Variants in LRP1B observed in about 807,000 individuals in gnomAD.
LRP1B encodes LDL receptor related protein 1B.
A neutral mutation model predicts 556.6 loss-of-function variants in LRP1B; 217 were observed. The ratio of observed to expected loss-of-function variants is 0.39; its 90% CI spans 0.35 to 0.44. The LOEUF (loss-of-function observed/expected upper bound fraction) is 0.44, where lower values mean the gene tolerates loss of function less well. Ranked by LOEUF, LRP1B falls within the 20% of genes least tolerant of loss-of-function variation. LRP1B has a pLI of 1.00. For missense variants in LRP1B, 5,053 were observed against 5,620.8 expected (o/e 0.90, Z 3.23); for synonymous variants, 2,047 against 1,865.8 (o/e 1.10, Z -2.50).
chr2:141,778,422 TCTC>T (rs1248578776), intron 2 of LRP1B, among the ~76,000 whole-genome samples: 3 of 152,184 alleles, frequency 2.0e-5, no homozygotes, highest in African/African-American at 7.2e-5. Flanking sequence ...TATGGTAGAC[TCTC>T]CTCCTTCTAG....
intron 41 of LRP1B, among the ~76,000 whole-genome samples, chr2:140,664,664 A>G (rs1298702922): frequency 6.6e-6 from 1 of 151,992 alleles, no homozygotes; most frequent in African/African-American, 2.4e-5. Context: ...CTTTTGAGAA[A>G]TAGACTAATG....
At chr2:141,190,975 A>G (rs186729915) in intron 6 of LRP1B, among the ~76,000 whole-genome samples, 2 of 152,114 alleles carry the variant, frequency 1.3e-5, no homozygotes. Context: ...AGGTCATAAG[A>G]TCCTCAAGTG....
At chr2:141,127,724 A>G (rs1031599283) in intron 7 of LRP1B, among the ~76,000 whole-genome samples, 2 of 151,986 alleles carry the variant, frequency 1.3e-5, no homozygotes, top group Admixed American at 1.3e-4. Flanking sequence ...CTCTCTCTTT[A>G]TGGTTCAATT....
chr2:140,569,978 T>A (rs956993398), intron 43 of LRP1B, among the ~76,000 whole-genome samples: 7 of 151,790 alleles, frequency 4.6e-5, no homozygotes, highest in Admixed American at 1.3e-4. Flanking sequence ...AAAAACTTCT[T>A]CAAACAAACG....
intron 3 of LRP1B, among the ~76,000 whole-genome samples, chr2:141,265,948 G>C (rs1000478551): frequency 6.6e-6 from 1 of 152,126 alleles, no homozygotes; most frequent in Non-Finnish European, 1.5e-5. Flanking sequence ...TCCTTTAGTC[G>C]GGTTAGAGCC....
chr2:141,962,502 A>C (rs969947707), intron 1 of LRP1B, among the ~76,000 whole-genome samples: 1 of 151,818 alleles, frequency 6.6e-6, no homozygotes, highest in Non-Finnish European at 1.5e-5. Flanking sequence ...TAGACTGTGC[A>C]AATATTCAAC....
intron 47 of LRP1B, among the ~76,000 whole-genome samples, chr2:140,531,258 G>A (rs189158358): frequency 2.6e-5 from 4 of 152,190 alleles, no homozygotes; most frequent in Non-Finnish European, 5.9e-5. Flanking sequence ...CTGGCTTAAT[G>A]CCTATATTAT....
Position 141,281,112 on chromosome 2 carries a change from T to C in LRP1B, c.344-26471A>G, listed in dbSNP as rs369611573. Among the ~76,000 whole-genome samples the C allele has an allele frequency of 1.2e-4, 19 of 152,100 alleles. No homozygotes were observed. In the South Asian group the frequency reaches 3.1e-3, roughly 25 times the overall value. ...TTTAGAAATACATTTATTTTATAGA[T>C]TGAGCTTTTTACTTTAATTTACCCT... is the stretch of plus-strand genomic sequence containing the variant. On this transcript the variant is annotated intron_variant, in intron 3 of 90. Transcript: ENST00000389484.
chr2:141,307,608 C>T (rs1686641238), intron 3 of LRP1B, among the ~76,000 whole-genome samples: 1 of 152,070 alleles, frequency 6.6e-6, no homozygotes, highest in African/African-American at 2.4e-5. Context: ...AACCTGTTTA[C>T]ATCCAAGGTT....
intron 51 of LRP1B, among the ~76,000 whole-genome samples, chr2:140,514,129 A>T (rs887831595): frequency 6.6e-6 from 1 of 152,024 alleles, no homozygotes; most frequent in African/African-American, 2.4e-5. Context: ...TAATACCTCT[A>T]ATCTTATAAA....
At chr2:141,627,933 A>G (rs1035101884) in intron 2 of LRP1B, among the ~76,000 whole-genome samples, 3 of 152,234 alleles carry the variant, frequency 2.0e-5, no homozygotes, top group Admixed American at 2.0e-4. Context: ...ATCAATGGAG[A>G]TGAAGCTCAA....
intron 2 of LRP1B, among the ~76,000 whole-genome samples, chr2:141,509,389 C>A (rs1574027704): frequency 6.6e-6 from 1 of 152,138 alleles, no homozygotes; most frequent in Admixed American, 6.6e-5. Context: ...GTAATCCCTG[C>A]CATTTGGCCA....
In LRP1B at chr2:140,769,366, A is replaced by AG. The variant is rs746903427; in HGVS notation, c.5627-23dup. 2.6e-5 allele frequency: 41 copies of AG among 1,570,606 alleles called. No homozygotes were observed. The Admixed American group carries it at 3.7e-4, about 14-fold the overall frequency. On this transcript the variant is annotated intron_variant, in intron 34 of 90. Coordinates refer to ENST00000389484, the MANE Select transcript of LRP1B (RefSeq NM_018557.3). ...ATACCTAAATGCAGGGCCGGAGATAAGGGGGGGAAGGGAAGCCCAGAATGA... is the reference window on the plus strand; with the variant it reads ...ATACCTAAATGCAGGGCCGGAGATAAGGGGGGGGAAGGGAAGCCCAGAATGA...
chr2:141,815,150 T>G (rs555911636), intron 1 of LRP1B, among the ~76,000 whole-genome samples: 1 of 152,084 alleles, frequency 6.6e-6, no homozygotes, highest in African/African-American at 2.4e-5. Flanking sequence ...CAAGAAAAAC[T>G]TGTAGAGATG....
At chr2:141,783,828 T>C (rs2105645214) in intron 2 of LRP1B, among the ~76,000 whole-genome samples, 1 of 151,968 alleles carries the variant, frequency 6.6e-6, no homozygotes, top group African/African-American at 2.4e-5. Context: ...AACATATCAA[T>C]TACCAATAAG....
At chr2:141,560,824 T>C (rs1223132720) in intron 2 of LRP1B, among the ~76,000 whole-genome samples, 18 of 151,750 alleles carry the variant, frequency 1.2e-4, no homozygotes, top group Non-Finnish European at 4.4e-5. Flanking sequence ...GATCTGAATA[T>C]GAGAGAGGAA....
At chr2:141,876,978 T>C (rs13016459) in intron 1 of LRP1B, among the ~76,000 whole-genome samples, 27,406 of 151,902 alleles carry the variant, frequency 0.18, 3,007 homozygotes, top group East Asian at 0.35. Context: ...TTTGCAGTTA[T>C]ATGAATTACA....
At chr2:140,743,229 A>ACCC (rs1258133947) in intron 35 of LRP1B, among the ~76,000 whole-genome samples, 1 of 152,196 alleles carries the variant, frequency 6.6e-6, no homozygotes, top group Admixed American at 6.5e-5. Context: ...GCAGCTCTCT[A>ACCC]AACTACTTAG....
intron 35 of LRP1B, among the ~76,000 whole-genome samples, chr2:140,748,961 G>A (rs1380788769): frequency 6.6e-6 from 1 of 150,396 alleles, no homozygotes; most frequent in Non-Finnish European, 1.5e-5. Flanking sequence ...CACAAGCCAA[G>A]ATGGTATAAA....
Sources: allele counts gnomAD v4.1 joint callset (sites outside exome capture counted in the v4.1 genomes callset), GRCh38; gene constraint gnomAD v4.1.1; transcripts MANE v1.5; gene names NCBI Gene and HGNC (gene_info 2026-07-23, HGNC 2026-07-21).